The following NFIB variants were observed in gnomAD, a reference collection of about 807,000 sequenced individuals.
NFIB encodes nuclear factor I B.
In NFIB, 11 loss-of-function variants were observed where a neutral mutation model predicts 61.5. That is an observed-to-expected ratio of 0.18 (90% CI 0.11 to 0.30). The LOEUF (loss-of-function observed/expected upper bound fraction) is 0.30. NFIB is among the 10% of genes least tolerant of loss of function. The pLI, the probability that NFIB is intolerant of heterozygous loss-of-function variation, is 1.00. For missense variants in NFIB, 471 were observed against 608.9 expected, an observed-to-expected ratio of 0.77 and a Z score of 2.38; for synonymous variants, 260 against 216.5, an observed-to-expected ratio of 1.20 and a Z score of -1.76.
chr9:14,470,701 C>A, the NFIB span, among the ~76,000 whole-genome samples: 3 of 152,174 alleles, frequency 2.0e-5, no homozygotes, highest in Non-Finnish European at 2.9e-5. Flanking sequence ...CACATGTCCA[C>A]AGCAATTACA....
At chr9:14,417,362 G>A in the NFIB span, among the ~76,000 whole-genome samples, 2 of 152,196 alleles carry the variant, frequency 1.3e-5, no homozygotes, top group Non-Finnish European at 2.9e-5. Flanking sequence ...TAGGTGTATA[G>A]CAGGCTACAC....
intron 2 of NFIB, among the ~76,000 whole-genome samples, chr9:14,248,163 G>C (rs1016409719): frequency 4.7e-5 from 7 of 150,202 alleles, no homozygotes; most frequent in African/African-American, 1.7e-4. Context: ...TGAACTCCTG[G>C]CCTCAGCAAT....
At chr9:14,168,398 G>A (rs913594445) in intron 3 of NFIB, among the ~76,000 whole-genome samples, 1 of 152,198 alleles carries the variant, frequency 6.6e-6, no homozygotes. Flanking sequence ...ACTGCAGAGA[G>A]GCTCTGAAGA....
intron 2 of NFIB, among the ~76,000 whole-genome samples, chr9:14,291,751 C>G (rs1174682888): frequency 1.3e-5 from 2 of 151,946 alleles, no homozygotes; most frequent in African/African-American, 4.8e-5. Flanking sequence ...GAACTTCTAA[C>G]AGCTCCTCAT....
Position 14,209,750 on chromosome 9 carries a change from A to T in NFIB, c.563-29970T>A, listed in dbSNP as rs2050117652. 2.0e-5 allele frequency among the ~76,000 whole-genome samples: 3 copies of T among 152,344 alleles called. No individual in the cohort carries two copies. In the East Asian group the frequency reaches 5.8e-4, roughly 29 times the overall value. On this transcript the variant is annotated intron_variant, in intron 2 of 10. Coordinates refer to ENST00000380953, the MANE Select transcript of NFIB (RefSeq NM_001190737.2). ...ATTTACTTAAAAGTGGAGGGAAAAG[A>T]GCAGAGGACTACAAGTTTGGAAGAT...
At chr9:14,462,601 T>A in the NFIB span, among the ~76,000 whole-genome samples, 1 of 152,282 alleles carries the variant, frequency 6.6e-6, no homozygotes, top group East Asian at 1.9e-4. Context: ...TATTCTTGAA[T>A]CCATCACTGG....
chr9:14,517,156 C>T, the NFIB span, among the ~76,000 whole-genome samples: 1 of 152,168 alleles, frequency 6.6e-6, no homozygotes, highest in Non-Finnish European at 1.5e-5. Flanking sequence ...TCTAAAATTT[C>T]ACATAATTTA....
chr9:14,440,849 AG>A, the NFIB span, among the ~76,000 whole-genome samples: 5 of 152,372 alleles, frequency 3.3e-5, no homozygotes, highest in Non-Finnish European at 7.3e-5. Flanking sequence ...GACTTTAAAA[AG>A]AATAATAAAC....
intron 1 of NFIB, among the ~76,000 whole-genome samples, chr9:14,344,095 A>G (rs898440054): frequency 7.2e-5 from 10 of 138,668 alleles, no homozygotes; most frequent in Admixed American, 5.4e-4. Flanking sequence ...AAAGAGAGGG[A>G]GAGAGAGAGA....
the NFIB span, among the ~76,000 whole-genome samples, chr9:14,479,579 A>C: frequency 1.3e-5 from 2 of 152,160 alleles, no homozygotes; most frequent in East Asian, 1.9e-4. Flanking sequence ...ACTGAGTACT[A>C]TTTGGGGAAT....
At chr9:14,443,032 A>ACCCCC in the NFIB span, among the ~76,000 whole-genome samples, 1 of 41,278 alleles carries the variant, frequency 2.4e-5, no homozygotes, top group Non-Finnish European at 4.6e-5. Flanking sequence ...CCAACCCCCC[A>ACCCCC]CCCGCCCCCC....
chr9:14,133,467 G>A (rs2040641358), intron 6 of NFIB, among the ~76,000 whole-genome samples: 1 of 152,176 alleles, frequency 6.6e-6, no homozygotes, highest in Admixed American at 6.5e-5. Flanking sequence ...GGTAGTAAAT[G>A]ACAGGCTACC....
intron 1 of NFIB, among the ~76,000 whole-genome samples, chr9:14,311,952 A>G (rs2060300344): frequency 6.6e-6 from 1 of 152,220 alleles, no homozygotes; most frequent in Admixed American, 6.5e-5. Context: ...TTACAAGTAA[A>G]GGCAATTCGT....
chr9:14,368,548 G>T (rs2061327060), intron 1 of NFIB, among the ~76,000 whole-genome samples: 1 of 152,168 alleles, frequency 6.6e-6, no homozygotes, highest in African/African-American at 2.4e-5. Flanking sequence ...GGTACAGAGT[G>T]GCAGCCTTGG....
At chr9:14,499,336 G>T in the NFIB span, among the ~76,000 whole-genome samples, 1 of 152,084 alleles carries the variant, frequency 6.6e-6, no homozygotes, top group African/African-American at 2.4e-5. Flanking sequence ...AGGAGAAAAA[G>T]AGCTTCTTCA....
chr9:14,085,565 C>T lies in NFIB; in HGVS notation c.*2744G>A, dbSNP rs533786091. The stretch of plus-strand genomic sequence containing the variant: ...TCTATATTTCCCTTCTGCTCTGGTT[C>T]TCAGTTTTAAAAGGGGAGATAAAAT... On this transcript the variant is annotated 3_prime_UTR_variant, in exon 11 of 11. Coordinates refer to ENST00000380953, the MANE Select transcript of NFIB (RefSeq NM_001190737.2). 11 of 220,476 alleles carry T rather than the reference C, an allele frequency of 5.0e-5. No individual in the cohort carries two copies. The highest frequency in any genetic ancestry group is 4.0e-4 in the Admixed American group (7 of 17,362). The allele number at this position is 220,476 out of a possible 1,614,324, so 13.7% of individuals were successfully genotyped here. A position where few individuals can be genotyped will look rare whatever the true frequency, so the allele number is the denominator to read the frequency against.
In NFIB at chr9:14,223,201, G is replaced by A. The variant is rs200629174; in HGVS notation, c.563-43421C>T. The stretch of plus-strand genomic sequence containing the variant: ...CAAGCTTGAGCTAAATAAAAGCTCA[G>A]GGAGGGTAGTTGCTATGCTTAGATG... On this transcript the variant is annotated intron_variant, in intron 2 of 10. Transcript: ENST00000380953. Among the ~76,000 whole-genome samples, 78 of 152,338 alleles carry A rather than the reference G, an allele frequency of 5.1e-4. No homozygotes were observed. In the East Asian group the frequency reaches 0.015, roughly 29 times the overall value.
rs116469647 is a variant in NFIB at position 14,308,724 on chromosome 9, T to C, written c.31-1204A>G. Among the ~76,000 whole-genome samples, 1,064 of 152,372 alleles carry C rather than the reference T, an allele frequency of 7.0e-3. 13 individuals carry two copies. The highest frequency in any genetic ancestry group is 0.024 in the African/African-American group (1,008 of 41,586). Reference sequence around the variant, plus strand: ...ATGTGCATGTGAATTTGCAGATACATAGATTATAGAGTACCAATCTTTTGA... The same window carrying C: ...ATGTGCATGTGAATTTGCAGATACACAGATTATAGAGTACCAATCTTTTGA... On this transcript the variant is annotated intron_variant, in intron 1 of 10. Transcript: ENST00000380953.
chr9:14,405,284 G>A, the NFIB span, among the ~76,000 whole-genome samples: 2 of 152,148 alleles, frequency 1.3e-5, no homozygotes, highest in African/African-American at 4.8e-5. Context: ...TTTAGTGGAT[G>A]AGAAAAAAAC....
Sources: gnomAD v4.1 joint callset for allele counts (sites outside exome capture counted in the v4.1 genomes callset) on GRCh38, gnomAD v4.1.1 for gene constraint, MANE v1.5 for transcripts, NCBI Gene and HGNC (gene_info 2026-07-23, HGNC 2026-07-21) for gene names.